The following AR variants were observed in gnomAD, a reference collection of about 807,000 sequenced individuals.
AR encodes the protein androgen receptor.
Under a neutral mutation model 53.9 loss-of-function variants are expected in AR, and 8 were observed. The ratio of observed to expected loss-of-function variants is 0.15; its 90% CI spans 0.09 to 0.27. AR has a LOEUF of 0.27. AR is among the 10% of genes least tolerant of loss of function. The probability of loss-of-function intolerance (pLI) is 1.00; values close to 1 mark genes in which losing one functional copy is unlikely to be tolerated. For synonymous variants in AR, 359 were observed against 316.4 expected (o/e 1.13, Z -1.43); for missense variants, 639 against 742.5 (o/e 0.86, Z 1.62).
intron 1 of AR, among the ~76,000 whole-genome samples, chrX:67,619,105 G>T (rs1475502957): frequency 1.8e-5 from 2 of 111,154 alleles, no homozygotes; most frequent in Non-Finnish European, 3.8e-5. Context: ...TTGCTAATTA[G>T]CTCCTCAGAG....
intron 1 of AR, among the ~76,000 whole-genome samples, chrX:67,586,593 G>A (rs934969147): frequency 8.9e-6 from 1 of 112,353 alleles, no homozygotes; most frequent in Non-Finnish European, 1.9e-5. Context: ...AAGGTTGAGT[G>A]AATTAATGAA....
At chrX:67,610,444 T>C (rs1457848117) in intron 1 of AR, among the ~76,000 whole-genome samples, 1 of 110,926 alleles carries the variant, frequency 9.0e-6, no homozygotes, top group Non-Finnish European at 1.9e-5. Context: ...AATTTAGAAG[T>C]TCTCCTACTC....
At chrX:67,551,002 T>TG (rs1491353557) in intron 1 of AR, among the ~76,000 whole-genome samples, 1 of 52,010 alleles carries the variant, frequency 1.9e-5, no homozygotes, top group African/African-American at 4.6e-4. Flanking sequence ...AATAGCTGGG[T>TG]TTTTTTTTTT....
chrX:67,694,568 C>A, intron 3 of AR: 1 of 1,021,355 alleles, frequency 9.8e-7, no homozygotes, highest in Non-Finnish European at 1.2e-6. Flanking sequence ...TTACATGCTG[C>A]TTCCTATGTT....
At chrX:67,670,276 A>G (rs1038360879) in intron 2 of AR, among the ~76,000 whole-genome samples, 15 of 91,451 alleles carry the variant, frequency 1.6e-4, no homozygotes, top group Non-Finnish European at 3.2e-4. Context: ...CCACTACTAA[A>G]GAACTCACCC....
At chrX:67,702,388 C>T (rs190138762) in intron 3 of AR, among the ~76,000 whole-genome samples, 105 of 111,463 alleles carry the variant, frequency 9.4e-4, no homozygotes, top group Middle Eastern at 4.7e-3. Context: ...TGTCCAAGAA[C>T]TCATGTTTGC....
chrX:67,660,567 G>A (rs1468443448), intron 2 of AR, among the ~76,000 whole-genome samples: 97 of 111,238 alleles, frequency 8.7e-4, no homozygotes, highest in Non-Finnish European at 1.7e-3. Flanking sequence ...TGTTCCATTG[G>A]TCTATATCTC....
intron 1 of AR, among the ~76,000 whole-genome samples, chrX:67,631,568 C>A (rs1022450461): frequency 2.8e-4 from 31 of 111,897 alleles, no homozygotes; most frequent in Non-Finnish European, 5.3e-4. Context: ...TTTTCAACTT[C>A]TTTGCCTTTG....
chrX:67,546,301 T>C lies in AR; in HGVS notation c.1155T>C (p.Ala385=), dbSNP rs2147320475. 8.3e-7 allele frequency: 1 copy of C among 1,200,222 alleles called. No homozygotes were observed. Among genetic ancestry groups the C allele is most frequent in the Non-Finnish European group, 1.1e-6 (1 of 890,577 alleles). ...CTCCGCCGCCTCCCCATCCCCACGC[T>C]CGCATCAAGCTGGAGAACCCGCTGG... ...PPPPPPPHPH[A]RIKLENPLDY... is the part of the protein sequence containing the mutation. The change falls in exon 1 of 8, where the codon GCT becomes GCC. Residue 385 remains alanine, a synonymous_variant. Coordinates refer to ENST00000374690, the MANE Select transcript of AR (RefSeq NM_000044.6).
chrX:67,586,141 A>G (rs752846855), intron 1 of AR, among the ~76,000 whole-genome samples: 1 of 111,670 alleles, frequency 9.0e-6, no homozygotes. Context: ...AAGTGTGTGG[A>G]GATAGATATT....
chrX:67,649,849 T>C (rs1188006791), intron 2 of AR, among the ~76,000 whole-genome samples: 2 of 112,482 alleles, frequency 1.8e-5, no homozygotes, highest in South Asian at 3.7e-4. Context: ...TGATGATAGT[T>C]TCTTTTGCTG....
intron 2 of AR, among the ~76,000 whole-genome samples, chrX:67,659,626 A>T (rs1333938172): frequency 8.9e-6 from 1 of 111,936 alleles, no homozygotes; most frequent in East Asian, 2.8e-4. Context: ...ATTGATGGAC[A>T]TTTGGGTTGG....
intron 1 of AR, among the ~76,000 whole-genome samples, chrX:67,625,503 C>T (rs1236909679): frequency 9.0e-6 from 1 of 111,100 alleles, no homozygotes; most frequent in African/African-American, 3.3e-5. Context: ...GATTCCAAAC[C>T]TTATTACAAA....
At chrX:67,619,090 C>T (rs770994504) in intron 1 of AR, among the ~76,000 whole-genome samples, 8 of 111,318 alleles carry the variant, frequency 7.2e-5, no homozygotes, top group African/African-American at 2.3e-4. Context: ...AATCAGTGTT[C>T]CATATTGCTA....
intron 3 of AR, among the ~76,000 whole-genome samples, chrX:67,705,745 C>T (rs1230959855): frequency 9.0e-6 from 1 of 111,477 alleles, no homozygotes; most frequent in African/African-American, 3.3e-5. Flanking sequence ...GGAGTGCTTC[C>T]AGTTTTTGCC....
chrX:67,706,589 A>T (rs2076068954), intron 3 of AR, among the ~76,000 whole-genome samples: 1 of 111,059 alleles, frequency 9.0e-6, no homozygotes, highest in South Asian at 3.8e-4. Context: ...TGATCTTTTC[A>T]AAAAACCAGC....
chrX:67,659,160 A>T (rs1167383006), intron 2 of AR, among the ~76,000 whole-genome samples: 1 of 111,202 alleles, frequency 9.0e-6, no homozygotes, highest in Non-Finnish European at 1.9e-5. Flanking sequence ...AGGAAGTCAG[A>T]TAGCGTTTTC....
intron 2 of AR, among the ~76,000 whole-genome samples, chrX:67,659,329 T>G (rs1227651460): frequency 9.0e-6 from 1 of 110,629 alleles, no homozygotes. Flanking sequence ...AACTCATCAT[T>G]TAACATTAGG....
At chrX:67,650,768 G>C (rs1926297905) in intron 2 of AR, among the ~76,000 whole-genome samples, 1 of 111,798 alleles carries the variant, frequency 8.9e-6, no homozygotes, top group Non-Finnish European at 1.9e-5. Flanking sequence ...AAAGACTCTT[G>C]ATAAAGGGAA....
Sources: gnomAD v4.1 joint callset for allele counts (sites outside exome capture counted in the v4.1 genomes callset) on GRCh38, gnomAD v4.1.1 for gene constraint, MANE v1.5 for transcripts, NCBI Gene and HGNC (gene_info 2026-07-23, HGNC 2026-07-21) for gene names.